Variants in CACNA2D4 observed in about 807,000 individuals in gnomAD.
CACNA2D4 encodes the protein calcium voltage-gated channel auxiliary subunit alpha2delta 4, also known as voltage-dependent calcium channel subunit alpha-2/delta-4.
Under a neutral mutation model 163.8 loss-of-function variants are expected in CACNA2D4, and 157 were observed. That is an observed-to-expected ratio of 0.96 (90% CI 0.84 to 1.09). The LOEUF (loss-of-function observed/expected upper bound fraction) is 1.09. Among genes scored for constraint, CACNA2D4 ranks in the 50% least tolerant of loss-of-function variants. The pLI is 0.00. For synonymous variants in CACNA2D4, 598 were observed against 586.9 expected, an observed-to-expected ratio of 1.02 and a Z score of -0.27; for missense variants, 1,410 against 1,479.9, an observed-to-expected ratio of 0.95 and a Z score of 0.78.
chr12:1,796,394 G>C (rs1247527321), intron 35 of CACNA2D4, among the ~76,000 whole-genome samples: 1 of 152,264 alleles, frequency 6.6e-6, no homozygotes, highest in Non-Finnish European at 1.5e-5. Flanking sequence ...CTCTGTATGA[G>C]GCTGGTGTTG....
intron 6 of CACNA2D4, among the ~76,000 whole-genome samples, chr12:1,906,593 G>C (rs1183612289): frequency 6.6e-6 from 1 of 152,196 alleles, no homozygotes; most frequent in East Asian, 1.9e-4. Flanking sequence ...GATGTGGCAG[G>C]AATATTTACA....
intron 18 of CACNA2D4, among the ~76,000 whole-genome samples, chr12:1,873,842 C>G (rs1040210482): frequency 2.6e-5 from 4 of 152,234 alleles, no homozygotes; most frequent in Non-Finnish European, 5.9e-5. Context: ...GAAAATCAGT[C>G]TGGCCTAAAA....
At chr12:1,842,563 T>A (rs1385935528) in intron 25 of CACNA2D4, among the ~76,000 whole-genome samples, 4 of 152,180 alleles carry the variant, frequency 2.6e-5, no homozygotes, top group Non-Finnish European at 4.4e-5. Flanking sequence ...CCAGGCCCCC[T>A]TTTTGGGCTC....
chr12:1,817,424 C>A (rs1565682171), intron 26 of CACNA2D4, among the ~76,000 whole-genome samples: 1 of 152,074 alleles, frequency 6.6e-6, no homozygotes, highest in Non-Finnish European at 1.5e-5. Context: ...TGAGGCCAGT[C>A]CCCCTGCTTG....
chr12:1,833,370 G>A lies in CACNA2D4; in HGVS notation c.2551+7369C>T, dbSNP rs1864714985. Among the ~76,000 whole-genome samples the A allele has an allele frequency of 6.6e-6, 1 of 152,140 alleles. No individual in the cohort carries two copies. The highest frequency in any genetic ancestry group is 6.5e-5 in the Admixed American group (1 of 15,282). ...AGAATCCAACTTTCACTTCCTAGGG[G>A]AGGTCTAGACAGATTATTGTCCTCA... On this transcript the variant is annotated intron_variant, in intron 26 of 37. Coordinates refer to ENST00000382722, the MANE Select transcript of CACNA2D4 (RefSeq NM_172364.5). This position sits in a 1 kb window ranked among gnomAD's most constrained non-coding sequence, Gnocchi z 4.2.
intron 24 of CACNA2D4, among the ~76,000 whole-genome samples, chr12:1,845,062 T>C (rs1390657099): frequency 1.3e-5 from 1 of 76,402 alleles, no homozygotes; most frequent in East Asian, 3.2e-4. Flanking sequence ...AGAAGCAGAG[T>C]GGGAGGCAGG....
At chr12:1,804,738 T>C (rs1334708802) in intron 29 of CACNA2D4, among the ~76,000 whole-genome samples, 1 of 152,234 alleles carries the variant, frequency 6.6e-6, no homozygotes, top group South Asian at 2.1e-4. Context: ...CTCCTGCCTC[T>C]TCCCCATCCT....
intron 18 of CACNA2D4, among the ~76,000 whole-genome samples, chr12:1,871,562 GGTGTGTGTAC>G (rs1013291287): frequency 1.3e-5 from 2 of 150,048 alleles, no homozygotes; most frequent in East Asian, 2.0e-4. Flanking sequence ...CGTGTGTGCT[GGTGTGTGTAC>G]GTGTGTGTTG....
At chr12:1,879,073 C>A (rs764091750) in intron 14 of CACNA2D4, 37 bp from the exon 15 acceptor site, 1 of 1,568,414 alleles carries the variant, frequency 6.4e-7, no homozygotes, top group East Asian at 2.2e-5. Context: ...GGAGACCCAG[C>A]TTCCCTGTGT....
chr12:1,872,257 G>A (rs963587808), intron 18 of CACNA2D4, among the ~76,000 whole-genome samples: 6 of 152,112 alleles, frequency 3.9e-5, no homozygotes, highest in Non-Finnish European at 5.9e-5. Context: ...CCCCCTGCAC[G>A]GAGGCCTGTC....
chr12:1,884,256 T>C lies in CACNA2D4; in HGVS notation c.1338A>G (p.Ala446=), dbSNP rs374541421. The C allele has an allele frequency of 1.2e-6, 2 of 1,612,240 alleles. No individual in the cohort carries two copies. The highest frequency in any genetic ancestry group is 1.7e-6 in the Non-Finnish European group (2 of 1,179,384). Residue 446 remains alanine (A), a synonymous_variant, in exon 12 of 38, where the codon GCA becomes GCG. Transcript: ENST00000382722. ...VSFADRMKWI[A]CNNKGYYTQI... is the part of the protein sequence containing the mutation. Reference sequence around the variant, plus strand: ...CCCGGCACTCACCTTTGTTGTTGCATGCAATCCACTTCATGCGGTCAGCAA... The same window carrying C: ...CCCGGCACTCACCTTTGTTGTTGCACGCAATCCACTTCATGCGGTCAGCAA...
chr12:1,890,546 G>A (rs1229915471), intron 6 of CACNA2D4, among the ~76,000 whole-genome samples: 1 of 152,210 alleles, frequency 6.6e-6, no homozygotes, highest in Non-Finnish European at 1.5e-5. Flanking sequence ...TGAAGCACAA[G>A]TGAAGCAAGC....
chr12:1,849,492 T>C (rs115775206), intron 23 of CACNA2D4, among the ~76,000 whole-genome samples: 2,142 of 152,370 alleles, frequency 0.014, 65 homozygotes, highest in African/African-American at 0.047. Context: ...AATTCCCGTA[T>C]GTTCGATTAT....
At chr12:1,824,280 G>A (rs1006704838) in intron 26 of CACNA2D4, among the ~76,000 whole-genome samples, 2 of 152,142 alleles carry the variant, frequency 1.3e-5, no homozygotes, top group African/African-American at 2.4e-5. Context: ...GTTAAAATGC[G>A]GATTCTGACT....
At chr12:1,876,127 T>G (rs1865875408) in intron 16 of CACNA2D4, among the ~76,000 whole-genome samples, 2 of 152,258 alleles carry the variant, frequency 1.3e-5, no homozygotes. Context: ...CAGGCATCCC[T>G]AATATATTTC....
chr12:1,796,010 A>G (rs1329318443), intron 35 of CACNA2D4: 3 of 567,984 alleles, frequency 5.3e-6, no homozygotes, highest in East Asian at 6.0e-5. Flanking sequence ...CAGACTGGAG[A>G]CAGTGAGGAA....
rs529890510 is a variant in CACNA2D4 at position 1,884,755 on chromosome 12, G to A, written c.1272+13C>T. The stretch of plus-strand genomic sequence containing the variant: ...GAAGCTTTTTTCTCCCTGGACACCC[G>A]TGGGAGGGTCACCTTACAGTCTGGC... On this transcript the variant is annotated intron_variant, in intron 11 of 37. Transcript: ENST00000382722. 44 of 1,582,840 alleles carry A rather than the reference G, an allele frequency of 2.8e-5. No homozygotes were observed. The Admixed American group carries it at 3.7e-4, about 13-fold the overall frequency.
Position 1,828,333 on chromosome 12 carries a change from ATCT to A in CACNA2D4, c.2551+12403_2551+12405del, listed in dbSNP as rs1864451197. The A allele has an allele frequency of 1.1e-6, 1 of 904,158 alleles. No homozygotes were observed. The highest frequency in any genetic ancestry group is 3.2e-5 in the Admixed American group (1 of 31,520). The allele number at this position is 904,158 out of a possible 1,614,324, so 56.0% of individuals were successfully genotyped here. A position where few individuals can be genotyped will look rare whatever the true frequency, so the allele number is the denominator to read the frequency against. On this transcript the variant is annotated intron_variant, in intron 26 of 37. Coordinates refer to ENST00000382722, the MANE Select transcript of CACNA2D4 (RefSeq NM_172364.5). This position sits in a 1 kb window ranked among gnomAD's most constrained non-coding sequence, Gnocchi z 4.2. ...CAGGCTGCAGGGAGGCCTACGCCAGATCTTCCTGGGGTACCCGAGGCTATGTTC... is the reference window on the plus strand; with the variant it reads ...CAGGCTGCAGGGAGGCCTACGCCAGATCCTGGGGTACCCGAGGCTATGTTC...
In CACNA2D4 at chr12:1,860,290, T is replaced by C. The variant is rs890419946; in HGVS notation, c.1879-84A>G. The stretch of plus-strand genomic sequence containing the variant: ...CCTCGCCCCCAGGGCTCTTGGGGTC[T>C]TCATCGTCACTGTACAGTCCCTCCG... On this transcript the variant is annotated intron_variant, in intron 18 of 37. Coordinates refer to ENST00000382722, the MANE Select transcript of CACNA2D4 (RefSeq NM_172364.5). 6.3e-5 allele frequency: 63 copies of C among 993,970 alleles called. 1 individual carries two copies. The highest frequency in any genetic ancestry group is 3.9e-4 in the South Asian group (29 of 74,750). 61.6% of individuals were successfully genotyped at this position (993,970 alleles called of 1,614,324 possible). A position where few individuals can be genotyped will look rare whatever the true frequency, so the allele number is the denominator to read the frequency against.
Sources: gnomAD v4.1 joint callset for allele counts (sites outside exome capture counted in the v4.1 genomes callset) on GRCh38, gnomAD v4.1.1 for gene constraint, Gnocchi (gnomAD v3.1) non-coding constraint, MANE v1.5 for transcripts, NCBI Gene and HGNC (gene_info 2026-07-23, HGNC 2026-07-21) for gene names.